The following ERC1 variants were observed in gnomAD, a reference collection of about 807,000 sequenced individuals.
The protein encoded by ERC1 is ELKS/RAB6-interacting/CAST family member 1.
In ERC1, 56 loss-of-function variants were observed where a neutral mutation model predicts 132.0. The observed-to-expected ratio is 0.42, with a 90% confidence interval of 0.34 to 0.53. The LOEUF is 0.53. Ranked by LOEUF, ERC1 falls within the 20% of genes least tolerant of loss-of-function variation. ERC1 has a pLI of 0.03. For synonymous variants in ERC1, 478 were observed against 476.1 expected (o/e 1.00, Z -0.05); for missense variants, 1,202 against 1,349.9 (o/e 0.89, Z 1.72).
intron 15 of ERC1, among the ~76,000 whole-genome samples, chr12:1,293,477 C>G (rs113429364): frequency 0.053 from 5,794 of 109,868 alleles, 565 homozygotes; most frequent in African/African-American, 0.18. Flanking sequence ...ACAACAACAA[C>G]AATTAGCCAG....
chr12:1,171,110 G>C (rs1163705731), intron 8 of ERC1, among the ~76,000 whole-genome samples: 1 of 152,136 alleles, frequency 6.6e-6, no homozygotes, highest in Non-Finnish European at 1.5e-5. Flanking sequence ...TACTATGAGA[G>C]AACAACACAA....
chr12:1,362,657 A>G (rs1242323416), intron 15 of ERC1, among the ~76,000 whole-genome samples: 2 of 152,242 alleles, frequency 1.3e-5, no homozygotes, highest in African/African-American at 4.8e-5. Context: ...AGGTACCTGG[A>G]GTAGTCAGAT....
chr12:1,188,745 T>G (rs1955396912), intron 11 of ERC1, among the ~76,000 whole-genome samples: 1 of 152,238 alleles, frequency 6.6e-6, no homozygotes, highest in Non-Finnish European at 1.5e-5. Flanking sequence ...CTCAAGGTAC[T>G]TTGCTTCAGA....
rs537474279 is a variant in ERC1 at position 1,097,616 on chromosome 12, G to A, written c.1087-7134G>A. Among the ~76,000 whole-genome samples, 25 of 152,218 alleles carry A rather than the reference G, an allele frequency of 1.6e-4. No individual in the cohort carries two copies. The East Asian group carries it at 4.6e-3, about 28-fold the overall frequency. ...TGGCAGCTTGCCCTATACATGCACA[G>A]CTTAGTATTTGGCCAAAGACTCAAG... is the stretch of plus-strand genomic sequence containing the variant. On this transcript the variant is annotated intron_variant, in intron 3 of 18. Coordinates refer to ENST00000360905, the MANE Select transcript of ERC1 (RefSeq NM_178040.4).
chr12:1,099,300 A>C (rs1487889599), intron 3 of ERC1, among the ~76,000 whole-genome samples: 2 of 152,058 alleles, frequency 1.3e-5, no homozygotes, highest in African/African-American at 4.8e-5. Flanking sequence ...AACACCTTGG[A>C]GTTCACAGAG....
chr12:1,395,264 C>T (rs2090431626), intron 16 of ERC1, among the ~76,000 whole-genome samples: 2 of 152,200 alleles, frequency 1.3e-5, no homozygotes, highest in Non-Finnish European at 2.9e-5. Flanking sequence ...ACTCCTGGAA[C>T]TTAAGTTCAT....
intron 18 of ERC1, among the ~76,000 whole-genome samples, chr12:1,463,847 A>G (rs1443382713): frequency 3.3e-5 from 5 of 152,006 alleles, no homozygotes; most frequent in Non-Finnish European, 5.9e-5. Flanking sequence ...TGCGAAGACA[A>G]GGGTATCTTG....
intron 8 of ERC1, among the ~76,000 whole-genome samples, chr12:1,144,656 A>ATATACGTG: frequency 6.6e-6 from 1 of 150,632 alleles, no homozygotes; most frequent in African/African-American, 2.4e-5. Context: ...ATACGTATAT[A>ATATACGTG]TATATATACA....
intron 2 of ERC1, 46 bp downstream of exon 2, chr12:1,028,618 TAAATG>T (rs770394260): frequency 2.8e-5 from 40 of 1,438,700 alleles, no homozygotes; most frequent in African/African-American, 4.3e-5. Flanking sequence ...TTCATGTATA[TAAATG>T]AAATAGCCTT....
chr12:1,399,227 C>T (rs1389733723), intron 16 of ERC1, among the ~76,000 whole-genome samples: 2 of 152,186 alleles, frequency 1.3e-5, no homozygotes, highest in African/African-American at 4.8e-5. Flanking sequence ...GCTGGGATTA[C>T]ACGTGTGAGC....
intron 11 of ERC1, among the ~76,000 whole-genome samples, chr12:1,184,288 T>C (rs922948300): frequency 6.6e-6 from 1 of 152,118 alleles, no homozygotes; most frequent in African/African-American, 2.4e-5. Flanking sequence ...TAGCTTTTTT[T>C]TTAAAGACAG....
chr12:1,122,217 A>G (rs1247895862), intron 7 of ERC1, among the ~76,000 whole-genome samples: 3 of 34,458 alleles, frequency 8.7e-5, no homozygotes, highest in Non-Finnish European at 1.7e-4. Context: ...CTCTATCTCT[A>G]TCTCTATCTC....
At chr12:1,395,917 A>C (rs973447061) in intron 16 of ERC1, among the ~76,000 whole-genome samples, 1 of 150,954 alleles carries the variant, frequency 6.6e-6, no homozygotes, top group African/African-American at 2.4e-5. Flanking sequence ...GATAAGAAGA[A>C]AAACTACATG....
chr12:1,143,274 C>A (rs901373860), intron 8 of ERC1, among the ~76,000 whole-genome samples: 10 of 151,532 alleles, frequency 6.6e-5, no homozygotes, highest in Admixed American at 4.6e-4. Context: ...CCTAAGCCAT[C>A]TTCCCATCTC....
intron 12 of ERC1, among the ~76,000 whole-genome samples, chr12:1,228,426 T>C: frequency 6.6e-6 from 1 of 152,264 alleles, no homozygotes; most frequent in East Asian, 1.9e-4. Context: ...TAATAGTTTT[T>C]AACAATTTTT....
chr12:1,359,771 T>C (rs1388854377), intron 15 of ERC1, among the ~76,000 whole-genome samples: 1 of 152,218 alleles, frequency 6.6e-6, no homozygotes, highest in Non-Finnish European at 1.5e-5. Context: ...TTCCTTTCTG[T>C]TATAATGTTT....
intron 13 of ERC1, among the ~76,000 whole-genome samples, chr12:1,249,099 C>A (rs1307163130): frequency 6.6e-6 from 1 of 151,946 alleles, no homozygotes; most frequent in African/African-American, 2.4e-5. Flanking sequence ...GCTGTGTTGC[C>A]CAGTCTGGAC....
chr12:1,255,177 T>C (rs1432774646), intron 13 of ERC1, among the ~76,000 whole-genome samples: 1 of 151,820 alleles, frequency 6.6e-6, no homozygotes, highest in Non-Finnish European at 1.5e-5. Context: ...CTCCCACTTA[T>C]GAGTGAGAAC....
intron 16 of ERC1, among the ~76,000 whole-genome samples, chr12:1,407,440 T>C (rs1360135695): frequency 6.6e-6 from 1 of 152,100 alleles, no homozygotes; most frequent in East Asian, 1.9e-4. Flanking sequence ...TAGTCCCAGC[T>C]GCTCGGGAAA....
Sources: allele counts gnomAD v4.1 joint callset (sites outside exome capture counted in the v4.1 genomes callset), GRCh38; gene constraint gnomAD v4.1.1; transcripts MANE v1.5; gene names NCBI Gene and HGNC (gene_info 2026-07-23, HGNC 2026-07-21).